Variants in SETD2 observed in about 807,000 individuals in gnomAD.
The protein encoded by SETD2 is SET domain containing 2, histone lysine methyltransferase, also known as histone-lysine N-methyltransferase SETD2.
SETD2 carries 31 observed loss-of-function variants against 242.1 expected under a neutral mutation model. The ratio of observed to expected loss-of-function variants is 0.13; its 90% CI spans 0.10 to 0.17. The LOEUF is 0.17. SETD2 is among the 10% of genes least tolerant of loss of function. SETD2 has a pLI of 1.00. For missense variants in SETD2, 2,481 were observed against 3,046.3 expected (o/e 0.81, Z 4.37); for synonymous variants, 1,006 against 1,066.5 (o/e 0.94, Z 1.11).
At chr3:47,086,937 A>T (rs1231511344) in intron 10 of SETD2, among the ~76,000 whole-genome samples, 1 of 151,902 alleles carries the variant, frequency 6.6e-6, no homozygotes, top group Non-Finnish European at 1.5e-5. Flanking sequence ...ATACTCAGGC[A>T]ACTGAGGCAG....
chr3:47,124,504 T>G lies in SETD2; in HGVS notation c.132A>C (p.Pro44=), dbSNP rs1305989558. ...GACTAGAAGCAACACCTTTGAACAT[T>G]GGTCCTTTGATGAAACCTGTTTTCT... is the stretch of plus-strand genomic sequence containing the variant. ...NVQKTGFIKG[P]MFKGVASSRF... is the part of the protein sequence containing the mutation. Residue 44 remains proline (P), a synonymous_variant, in exon 3 of 21, where the codon CCA becomes CCC. Transcript: ENST00000409792. The G allele has an allele frequency of 6.5e-7, 1 of 1,549,690 alleles. No homozygotes were observed. Among genetic ancestry groups the G allele is most frequent in the African/African-American group, 1.4e-5 (1 of 72,972 alleles).
At chr3:47,049,345 A>ATATATATATG (rs1221844905) in intron 15 of SETD2, among the ~76,000 whole-genome samples, 37 of 111,122 alleles carry the variant, frequency 3.3e-4, no homozygotes, top group Non-Finnish European at 6.0e-4. Flanking sequence ...ATATATATAT[A>ATATATATATG]TATGTATTCT....
intron 18 of SETD2, among the ~76,000 whole-genome samples, chr3:47,030,515 T>C (rs2038716618): frequency 6.6e-6 from 1 of 152,146 alleles, no homozygotes. Flanking sequence ...TAAAAAGATA[T>C]ATTTGAAAAA....
chr3:47,126,979 G>A (rs1328865068), intron 1 of SETD2, among the ~76,000 whole-genome samples: 1 of 152,176 alleles, frequency 6.6e-6, no homozygotes, highest in African/African-American at 2.4e-5. Flanking sequence ...ACATAATGGA[G>A]TAAATATAAG....
At chr3:47,128,623 T>C (rs2043404933) in intron 1 of SETD2, among the ~76,000 whole-genome samples, 1 of 152,168 alleles carries the variant, frequency 6.6e-6, no homozygotes, top group Non-Finnish European at 1.5e-5. Context: ...AATACATGAA[T>C]GAGATCTGAA....
chr3:47,100,027 C>T (rs1413536867), intron 8 of SETD2, among the ~76,000 whole-genome samples: 1 of 150,852 alleles, frequency 6.6e-6, no homozygotes, highest in African/African-American at 2.4e-5. Flanking sequence ...GGCTGGAGTG[C>T]AGTAGCACGA....
In SETD2 at chr3:47,118,516, G is replaced by A. The variant is rs991366893; in HGVS notation, c.4454+1666C>T. Among the ~76,000 whole-genome samples, 5 of 152,022 alleles carry A rather than the reference G, an allele frequency of 3.3e-5. No homozygotes were observed. The South Asian group carries it at 1.0e-3, about 32-fold the overall frequency. ...ACGGGCGGATCACCTGAGGTCAGGAGTTCGAGACCAGCCTGGCCAACATGG... is the reference window on the plus strand; with the variant it reads ...ACGGGCGGATCACCTGAGGTCAGGAATTCGAGACCAGCCTGGCCAACATGG... On this transcript the variant is annotated intron_variant, in intron 3 of 20. Coordinates refer to ENST00000409792, the MANE Select transcript of SETD2 (RefSeq NM_014159.7).
rs1288526031 is a variant in SETD2 at position 47,017,716 on chromosome 3, G to A, written c.7455C>T (p.Cys2485=). ...AGTCAGGTTTCCGGTAAGGGTTCAGGCACTGGACGATGAACTGGGACATCT... is the reference window on the plus strand; with the variant it reads ...AGTCAGGTTTCCGGTAAGGGTTCAGACACTGGACGATGAACTGGGACATCT... ...RKEMSQFIVQ[C]LNPYRKPDCK... Residue 2485 remains cysteine, a synonymous_variant, in exon 20 of 21, where the codon TGC becomes TGT. Transcript: ENST00000409792. The surrounding 1 kb of genome is among the most constrained non-coding windows in gnomAD (Gnocchi z 4.8). The A allele has an allele frequency of 1.2e-6, 2 of 1,613,770 alleles. No individual in the cohort carries two copies. Among genetic ancestry groups the A allele is most frequent in the Non-Finnish European group, 1.7e-6 (2 of 1,179,690 alleles).
intron 13 of SETD2, 92 bp from the exon 14 acceptor site, chr3:47,062,438 A>G (rs1369039265): frequency 8.4e-7 from 1 of 1,186,436 alleles, no homozygotes; most frequent in Non-Finnish European, 1.2e-6. Context: ...ACTGTATAAT[A>G]AAACTTCTAT....
At chr3:47,018,422 T>C (rs903876606) in intron 19 of SETD2, among the ~76,000 whole-genome samples, 9 of 152,132 alleles carry the variant, frequency 5.9e-5, no homozygotes, top group Non-Finnish European at 1.3e-4. Flanking sequence ...AGGCCAGTCA[T>C]AGCCATTTCA....
intron 18 of SETD2, among the ~76,000 whole-genome samples, chr3:47,022,138 A>AGT: frequency 6.7e-6 from 1 of 150,328 alleles, no homozygotes; most frequent in South Asian, 2.1e-4. Context: ...TGGAGGTTGC[A>AGT]GTGAGCTGAG....
intron 11 of SETD2, 119 bp downstream of exon 11, chr3:47,086,068 AATTATTTG>A: frequency 9.5e-7 from 1 of 1,049,580 alleles, no homozygotes; most frequent in Admixed American, 2.3e-5. Flanking sequence ...GAGATGAAAA[AATTATTTG>A]ATTATTTAAT....
chr3:47,037,990 C>T (rs2039096954), intron 17 of SETD2, among the ~76,000 whole-genome samples: 1 of 152,140 alleles, frequency 6.6e-6, no homozygotes, highest in African/African-American at 2.4e-5. Context: ...TTTCTGTGGG[C>T]AATGATGTGG....
At chr3:47,032,690 TCA>T (rs1459773486) in intron 18 of SETD2, among the ~76,000 whole-genome samples, 1 of 152,060 alleles carries the variant, frequency 6.6e-6, no homozygotes, top group Non-Finnish European at 1.5e-5. Context: ...GACAAGTGGA[TCA>T]CCTGAGGTCA....
Position 47,048,205 on chromosome 3 carries a change from C to T in SETD2, c.6964-1584G>A, listed in dbSNP as rs149847146. Among the ~76,000 whole-genome samples, 1,500 of 152,158 alleles carry T rather than the reference C, an allele frequency of 9.9e-3. 30 individuals carry two copies. The highest frequency in any genetic ancestry group is 0.035 in the African/African-American group (1,445 of 41,500). Reference sequence around the variant, plus strand: ...GAGATCGAGACCATCCTGGCTAACACGGTGAAATCCCATCTCTACTAAAAA... The same window carrying T: ...GAGATCGAGACCATCCTGGCTAACATGGTGAAATCCCATCTCTACTAAAAA... On this transcript the variant is annotated intron_variant, in intron 15 of 20. Transcript: ENST00000409792.
intron 9 of SETD2, among the ~76,000 whole-genome samples, chr3:47,095,059 T>G (rs1463808171): frequency 6.6e-6 from 1 of 152,228 alleles, no homozygotes; most frequent in African/African-American, 2.4e-5. Context: ...GTAAGGTCAC[T>G]TCTCATCAAT....
At chr3:47,096,905 T>C (rs2042031581) in intron 9 of SETD2, among the ~76,000 whole-genome samples, 1 of 152,242 alleles carries the variant, frequency 6.6e-6, no homozygotes, top group Non-Finnish European at 1.5e-5. Flanking sequence ...TTTCTGCTTT[T>C]TTTAACGGAC....
At chr3:47,146,015 CAAAAAAAAAAAAA>C (rs1171574770) in intron 1 of SETD2, among the ~76,000 whole-genome samples, 20 of 38,692 alleles carry the variant, frequency 5.2e-4, no homozygotes, top group South Asian at 1.5e-3. Context: ...GACCCTGTCT[CAAAAAAAAAAAAA>C]AAAAAAAAAA....
intron 18 of SETD2, among the ~76,000 whole-genome samples, chr3:47,027,336 C>CAAAAA (rs145911577): frequency 0.012 from 1,239 of 103,342 alleles, 53 homozygotes; most frequent in Non-Finnish European, 0.017. Flanking sequence ...GACTCCATCT[C>CAAAAA]AAAAAAAAAA....
Sources: allele counts gnomAD v4.1 joint callset (sites outside exome capture counted in the v4.1 genomes callset), GRCh38; gene constraint gnomAD v4.1.1; non-coding constraint Gnocchi (gnomAD v3.1); transcripts MANE v1.5; gene names NCBI Gene and HGNC (gene_info 2026-07-23, HGNC 2026-07-21).